The following LSR variants were observed in gnomAD, a reference collection of about 807,000 sequenced individuals.
LSR encodes the protein lipolysis stimulated lipoprotein receptor.
A neutral mutation model predicts 61.8 loss-of-function variants in LSR; 44 were observed. The observed-to-expected ratio is 0.71, with a 90% CI of 0.56 to 0.91. LSR has a LOEUF of 0.91. LSR is among the 40% of genes least tolerant of loss of function. The pLI is 0.00. For synonymous variants in LSR, 397 were observed against 350.6 expected (o/e 1.13, Z -1.48); for missense variants, 911 against 830.5 (o/e 1.10, Z -1.19).
intron 5 of LSR, 34 bp from the exon 6 acceptor site, chr19:35,266,325 C>CCTGTTG: frequency 6.5e-7 from 1 of 1,528,786 alleles, no homozygotes; most frequent in Non-Finnish European, 8.8e-7. Context: ...GCTCCTGCCT[C>CCTGTTG]ATCCCCCTTC....
At chr19:35,256,663 T>G (rs892294339) in intron 2 of LSR, among the ~76,000 whole-genome samples, 57 of 152,252 alleles carry the variant, frequency 3.7e-4, no homozygotes, top group African/African-American at 1.3e-3. Context: ...AAATACTGCC[T>G]AGAACATAGG....
chr19:35,255,521 G>A (rs531669467), intron 2 of LSR, among the ~76,000 whole-genome samples: 1 of 152,242 alleles, frequency 6.6e-6, no homozygotes. Context: ...GGAGGCTGAG[G>A]CAGGTGGATC....
In LSR at chr19:35,249,036, C is replaced by T. The variant is rs755437257; in HGVS notation, c.14C>T (p.Ala5Val). 3.1e-6 allele frequency: 5 copies of T among 1,595,194 alleles called. No individual in the cohort carries two copies. Among genetic ancestry groups the T allele is most frequent in the Non-Finnish European group, 4.3e-6 (5 of 1,171,598 alleles). MALL[A>V]GGLSRGLGSH... ...CAGACGGCCGCGATGGCGCTGTTGGCCGGCGGGCTCTCCAGAGGGCTGGGC... is the reference window on the plus strand; with the variant it reads ...CAGACGGCCGCGATGGCGCTGTTGGTCGGCGGGCTCTCCAGAGGGCTGGGC... Residue 5 changes from alanine (A) to valine (V), a missense_variant, in exon 1 of 10, where the codon GCC becomes GTC. Physicochemically the swap from Ala to Val is moderately conservative, Grantham distance 64. Transcript: ENST00000605618.
intron 5 of LSR, chr19:35,264,319 T>C (rs944222521): frequency 6.6e-6 from 1 of 152,104 alleles, no homozygotes; most frequent in Non-Finnish European, 1.5e-5. Context: ...GAGAGGGACC[T>C]AACTCTATGA....
In LSR at chr19:35,267,879, C is replaced by T. The variant is rs780387027; in HGVS notation, c.*20C>T. 6.2e-7 allele frequency: 1 copy of T among 1,612,828 alleles called. No individual in the cohort carries two copies. Among genetic ancestry groups the T allele is most frequent in the South Asian group, 1.1e-5 (1 of 91,010 alleles). On this transcript the variant is annotated 3_prime_UTR_variant, in exon 10 of 10. Transcript: ENST00000605618. Reference sequence around the variant, plus strand: ...GTCTGATCTGACGTTTTCTACGTAGCTTTTGTATTTTTTTTTTTAATTTGA... The same window carrying T: ...GTCTGATCTGACGTTTTCTACGTAGTTTTTGTATTTTTTTTTTTAATTTGA...
At chr19:35,256,396 AT>A (rs1484725005) in intron 2 of LSR, among the ~76,000 whole-genome samples, 1 of 152,238 alleles carries the variant, frequency 6.6e-6, no homozygotes, top group Non-Finnish European at 1.5e-5. Flanking sequence ...CAGACAAAAC[AT>A]TGTGAATGAG....
At chr19:35,266,254 G>C in intron 5 of LSR, 105 bp from the exon 6 acceptor site, 1 of 864,686 alleles carries the variant, frequency 1.2e-6, no homozygotes, top group Middle Eastern at 2.5e-4. Context: ...CGGAGAGGAC[G>C]GCTTGGGAAG....
Position 35,250,439 on chromosome 19 carries a change from G to A in LSR, c.234G>A (p.Trp78Ter), listed in dbSNP as rs374794014. The change falls in exon 2 of 10, where the codon TGG (tryptophan) becomes TGA (stop). Residue 78 changes from tryptophan (W) to a stop codon, truncating the protein, a stop_gained. Transcript: ENST00000605618. LOFTEE classifies it high-confidence loss of function. ...CCCCCACGCAACCCATCGTCATCTGGAAGTACAAGTCTTTCTGCCGGGACC... is the reference window on the plus strand; with the variant it reads ...CCCCCACGCAACCCATCGTCATCTGAAAGTACAAGTCTTTCTGCCGGGACC... ...TSTPTQPIVI[W>*]KYKSFCRDRI... The A allele has an allele frequency of 1.2e-6, 2 of 1,613,890 alleles. No individual in the cohort carries two copies. The highest frequency in any genetic ancestry group is 8.5e-7 in the Non-Finnish European group (1 of 1,179,994).
At chr19:35,252,786 G>A (rs2145496264) in intron 2 of LSR, among the ~76,000 whole-genome samples, 1 of 152,240 alleles carries the variant, frequency 6.6e-6, no homozygotes, top group South Asian at 2.1e-4. Flanking sequence ...GCCAAGGCAG[G>A]AGGATCACTT....
chr19:35,250,565 C>G lies in LSR; in HGVS notation c.360C>G (p.Asp120Glu), dbSNP rs776158854. 2 of 1,613,684 alleles carry G rather than the reference C, an allele frequency of 1.2e-6. No individual in the cohort carries two copies. Among genetic ancestry groups the G allele is most frequent in the Non-Finnish European group, 8.5e-7 (1 of 1,179,814 alleles). The stretch of plus-strand genomic sequence containing the variant: ...ACAACCCCTACGTTGAGTGCCAGGA[C>G]AGCGTGCGCACCGTCAGGGTCGTGG... ...PGYNPYVECQ[D>E]SVRTVRVVAT... The change falls in exon 2 of 10, where the codon GAC (aspartate) becomes GAG (glutamate). Residue 120 changes from aspartate (D) to glutamate (E), a missense_variant. By Grantham distance (45) the Asp-to-Glu change is conservative. Transcript: ENST00000605618.
At position 35,266,540 on chromosome 19, in the gene LSR, CG is replaced by C; in HGVS notation, c.952+13del. ...TTGACAGGAGTAGCTCAGGTGAGGCCGGGGGAAGCAGGAACAGCTGGTGGGA... is the reference window on the plus strand; with the variant it reads ...TTGACAGGAGTAGCTCAGGTGAGGCCGGGGAAGCAGGAACAGCTGGTGGGA... On this transcript the variant is annotated intron_variant, in intron 6 of 9. Transcript: ENST00000605618. The C allele has an allele frequency of 6.3e-7, 1 of 1,598,380 alleles. No individual in the cohort carries two copies. The highest frequency in any genetic ancestry group is 8.5e-7 in the Non-Finnish European group (1 of 1,169,964).
At chr19:35,265,572 T>A (rs551395528) in intron 5 of LSR, among the ~76,000 whole-genome samples, 1 of 152,320 alleles carries the variant, frequency 6.6e-6, no homozygotes, top group South Asian at 2.1e-4. Context: ...CATTTTCCTG[T>A]TGGGGTCCCA....
At position 35,258,984 on chromosome 19, in the gene LSR, G is replaced by A. The variant is rs764566588; in HGVS notation, c.494G>A (p.Ser165Asn). ...TTTGACCAGACGGCGTGGGGGGACAGTGGTGTGTATTACTGCTCCGTGGTC... is the reference window on the plus strand; with the variant it reads ...TTTGACCAGACGGCGTGGGGGGACAATGGTGTGTATTACTGCTCCGTGGTC... ...LTFDQTAWGD[S>N]GVYYCSVVSA... The change falls in exon 3 of 10, where the codon AGT becomes AAT. Residue 165 changes from serine to asparagine, a missense_variant. Ser to Asn is a conservative substitution (Grantham distance 46, BLOSUM62 1). Transcript: ENST00000605618. 6.2e-7 allele frequency: 1 copy of A among 1,614,070 alleles called. No individual in the cohort carries two copies. Among genetic ancestry groups the A allele is most frequent in the East Asian group, 2.2e-5 (1 of 44,878 alleles).
intron 2 of LSR, among the ~76,000 whole-genome samples, chr19:35,254,901 T>G (rs950463169): frequency 2.6e-5 from 4 of 152,114 alleles, no homozygotes; most frequent in Admixed American, 2.6e-4. Flanking sequence ...CAAAACACAG[T>G]GAGGTCCAGC....
chr19:35,257,073 A>G (rs2065865386), intron 2 of LSR, among the ~76,000 whole-genome samples: 1 of 152,068 alleles, frequency 6.6e-6, no homozygotes. Context: ...CCTGACCTCA[A>G]GTGATCCACC....
In LSR at chr19:35,265,486, T is replaced by C. The variant is rs528188840; in HGVS notation, c.779-873T>C. Among the ~76,000 whole-genome samples, 25 of 152,342 alleles carry C rather than the reference T, an allele frequency of 1.6e-4. No individual in the cohort carries two copies. In the South Asian group the frequency reaches 5.2e-3, roughly 32 times the overall value. On this transcript the variant is annotated intron_variant, in intron 5 of 9. Transcript: ENST00000605618. Reference sequence around the variant, plus strand: ...CCTGAGCTAATGAAGGGGCTTCCTCTAGGCTGTGCACTTAGTCTTCTGCTT... The same window carrying C: ...CCTGAGCTAATGAAGGGGCTTCCTCCAGGCTGTGCACTTAGTCTTCTGCTT...
intron 5 of LSR, chr19:35,264,340 A>T (rs1339224237): frequency 6.6e-6 from 1 of 152,160 alleles, no homozygotes; most frequent in Non-Finnish European, 1.5e-5. Context: ...GAGGAGTCAG[A>T]CATGTGCAAT....
intron 6 of LSR, 61 bp from the exon 7 acceptor site, chr19:35,266,618 T>C: frequency 1.9e-6 from 3 of 1,598,454 alleles, no homozygotes; most frequent in Non-Finnish European, 2.6e-6. Flanking sequence ...GAAGAGTGTC[T>C]TGGGAGCCGA....
At chr19:35,259,150 C>T (rs990879666) in intron 3 of LSR, 86 bp downstream of exon 3, 9 of 1,515,586 alleles carry the variant, frequency 5.9e-6, no homozygotes, top group Non-Finnish European at 8.0e-6. Flanking sequence ...CGCCCTCTGC[C>T]CTCCAGCTTA....
Sources: allele counts gnomAD v4.1 joint callset (sites outside exome capture counted in the v4.1 genomes callset), GRCh38; gene constraint gnomAD v4.1.1; transcripts MANE v1.5; gene names NCBI Gene and HGNC (gene_info 2026-07-23, HGNC 2026-07-21).